HIVEP3: variants seen among roughly 807,000 people sequenced by gnomAD.
HIVEP3 encodes HIVEP zinc finger 3, also known as transcription factor HIVEP3.
In HIVEP3, 49 loss-of-function variants were observed where a neutral mutation model predicts 152.8. That is an observed-to-expected ratio of 0.32 (90% confidence interval 0.26 to 0.41). The LOEUF (loss-of-function observed/expected upper bound fraction) is 0.41, where lower values mean the gene tolerates loss of function less well. HIVEP3 is among the 10% of genes least tolerant of loss of function. The pLI, the probability that HIVEP3 is intolerant of heterozygous loss-of-function variation, is 1.00. For synonymous variants in HIVEP3, 1,269 were observed against 1,289.0 expected (o/e 0.98, Z 0.33); for missense variants, 2,790 against 3,103.3 (o/e 0.90, Z 2.40).
chr1:42,019,854 T>TAGGCACTCATTATCAGATTAACAAATTTC, intron 1 of HIVEP3, among the ~76,000 whole-genome samples: 1 of 152,076 alleles, frequency 6.6e-6, no homozygotes, highest in East Asian at 1.9e-4. Flanking sequence ...AAGATATTTT[T>TAGGCACTCATTATCAGATTAACAAATTTC]AGGCACTCAT....
chr1:41,857,046 A>G (rs529974643), intron 1 of HIVEP3, among the ~76,000 whole-genome samples: 35 of 152,278 alleles, frequency 2.3e-4, no homozygotes, highest in African/African-American at 8.2e-4. Context: ...CCAAGCACAC[A>G]GCACATTTCT....
chr1:41,731,220 T>A (rs754893745), intron 1 of HIVEP3, among the ~76,000 whole-genome samples: 1 of 151,868 alleles, frequency 6.6e-6, no homozygotes, highest in Non-Finnish European at 1.5e-5. Flanking sequence ...GAGACAGAGG[T>A]GCTGGGTTCT....
chr1:41,826,589 AC>A (rs905977387), intron 1 of HIVEP3, among the ~76,000 whole-genome samples: 7 of 152,186 alleles, frequency 4.6e-5, no homozygotes, highest in Non-Finnish European at 7.4e-5. Flanking sequence ...CAGACAGGGC[AC>A]GGCTTAGGAG....
rs181780285 is a variant in HIVEP3, at chr1:41,895,147, C to A, written c.-801+23266G>T. Among the ~76,000 whole-genome samples, 3 of 152,248 alleles carry A rather than the reference C, an allele frequency of 2.0e-5. No homozygotes were observed. The East Asian group carries it at 5.8e-4, about 29-fold the overall frequency. On this transcript the variant is annotated intron_variant, in intron 1 of 8. Coordinates refer to ENST00000372583, the MANE Select transcript of HIVEP3 (RefSeq NM_024503.5). ...TCACTGATTCAGGTGAGAAAGAAGC[C>A]CAAGTCCTGAGAGGTGCAGCTGCTG...
chr1:41,861,511 T>G (rs1374377773), intron 1 of HIVEP3, among the ~76,000 whole-genome samples: 1 of 152,134 alleles, frequency 6.6e-6, no homozygotes, highest in Non-Finnish European at 1.5e-5. Context: ...GAAAATGGAT[T>G]GAGTTTACCT....
At chr1:41,526,459 C>T (rs1292887693) in intron 5 of HIVEP3, among the ~76,000 whole-genome samples, 2 of 142,058 alleles carry the variant, frequency 1.4e-5, no homozygotes, top group Admixed American at 1.4e-4. Context: ...CACACATGCT[C>T]ACACCCCCAC....
intron 1 of HIVEP3, among the ~76,000 whole-genome samples, chr1:41,989,772 T>G (rs984237810): frequency 2.6e-5 from 4 of 151,732 alleles, no homozygotes; most frequent in Admixed American, 6.6e-5. Context: ...TTCCATTTGC[T>G]TGGTAGATCT....
intron 1 of HIVEP3, among the ~76,000 whole-genome samples, chr1:41,804,158 C>T (rs1437119995): frequency 6.6e-6 from 1 of 152,210 alleles, no homozygotes; most frequent in Non-Finnish European, 1.5e-5. Context: ...CCTACTTACT[C>T]TGTAAAACCC....
intron 1 of HIVEP3, among the ~76,000 whole-genome samples, chr1:41,858,643 G>C (rs1198835061): frequency 6.6e-6 from 1 of 152,204 alleles, no homozygotes; most frequent in East Asian, 1.9e-4. Flanking sequence ...GAACCACATG[G>C]ACAAGGATCA....
intron 5 of HIVEP3, among the ~76,000 whole-genome samples, chr1:41,550,378 T>G (rs1343958448): frequency 6.6e-6 from 1 of 152,228 alleles, no homozygotes; most frequent in African/African-American, 2.4e-5. Flanking sequence ...TGGTTCTATA[T>G]GAACTTTAGT....
intron 1 of HIVEP3, among the ~76,000 whole-genome samples, chr1:41,845,715 T>C (rs151216564): frequency 1.9e-4 from 29 of 152,354 alleles, no homozygotes; most frequent in Non-Finnish European, 3.1e-4. Flanking sequence ...TATGCTTTTA[T>C]ACTATTTGAA....
intron 7 of HIVEP3, 74 bp downstream of exon 7, chr1:41,518,328 C>A: frequency 7.8e-7 from 1 of 1,277,878 alleles, no homozygotes; most frequent in Non-Finnish European, 1.1e-6. Flanking sequence ...GCAGGGAAGG[C>A]AAGCAGGAAA....
intron 3 of HIVEP3, among the ~76,000 whole-genome samples, chr1:41,595,752 G>A (rs1277999511): frequency 1.3e-5 from 2 of 152,112 alleles, no homozygotes; most frequent in African/African-American, 4.8e-5. Flanking sequence ...ATAAAAGCAG[G>A]TAGAAGAACA....
upstream of HIVEP3, among the ~76,000 whole-genome samples, chr1:41,923,589 T>G (rs978693557): frequency 6.6e-6 from 1 of 152,190 alleles, no homozygotes; most frequent in African/African-American, 2.4e-5. Context: ...GCATGGTGAC[T>G]ACAGTTAATA....
chr1:41,934,112 C>A (rs1479558250), intron 1 of HIVEP3, among the ~76,000 whole-genome samples: 1 of 152,138 alleles, frequency 6.6e-6, no homozygotes, highest in Non-Finnish European at 1.5e-5. Flanking sequence ...ACAGCAGTTT[C>A]TTTTCCTCTC....
At chr1:41,790,578 G>T (rs1020843400) in intron 1 of HIVEP3, among the ~76,000 whole-genome samples, 2 of 152,148 alleles carry the variant, frequency 1.3e-5, no homozygotes, top group Non-Finnish European at 2.9e-5. Flanking sequence ...TAAATCTAGT[G>T]CACAGAATGT....
At chr1:41,947,130 C>A (rs999040587) in intron 1 of HIVEP3, among the ~76,000 whole-genome samples, 2 of 152,176 alleles carry the variant, frequency 1.3e-5, no homozygotes, top group African/African-American at 4.8e-5. Flanking sequence ...GATTGTTTTA[C>A]CCCAAGGGTT....
chr1:41,513,665 G>A lies in HIVEP3; in HGVS notation c.5556C>T (p.Asp1852=). ...VEEHQFSDLE[D]SDSDSDLDED... ...CGTCCAGGTCTGAGTCTGAGTCCGAGTCCTCCAGGTCCGAAAACTGGTGCT... is the reference window on the plus strand; with the variant it reads ...CGTCCAGGTCTGAGTCTGAGTCCGAATCCTCCAGGTCCGAAAACTGGTGCT... The change falls in exon 8 of 9, where the codon GAC becomes GAT. Residue 1852 remains aspartate (D), a synonymous_variant. Coordinates refer to ENST00000372583, the MANE Select transcript of HIVEP3 (RefSeq NM_024503.5). 3 of 1,613,116 alleles carry A rather than the reference G, an allele frequency of 1.9e-6. No individual in the cohort carries two copies. The highest frequency in any genetic ancestry group is 2.5e-6 in the Non-Finnish European group (3 of 1,179,690).
intron 1 of HIVEP3, among the ~76,000 whole-genome samples, chr1:41,763,250 G>C (rs1647806951): frequency 6.6e-6 from 1 of 152,222 alleles, no homozygotes; most frequent in Admixed American, 6.5e-5. Flanking sequence ...CTCTCCCGAG[G>C]CTCTGTTTGC....
Sources: allele counts gnomAD v4.1 joint callset (sites outside exome capture counted in the v4.1 genomes callset), GRCh38; gene constraint gnomAD v4.1.1; transcripts MANE v1.5; gene names NCBI Gene and HGNC (gene_info 2026-07-23, HGNC 2026-07-21).